Variants in EHBP1 observed in about 807,000 individuals in gnomAD.
EHBP1 encodes EH domain-binding protein 1.
In EHBP1, 55 loss-of-function variants were observed where a neutral mutation model predicts 144.0. The ratio of observed to expected loss-of-function variants is 0.38; its 90% CI spans 0.31 to 0.48. EHBP1 has a LOEUF of 0.48. Among genes scored for constraint, EHBP1 ranks in the 20% least tolerant of loss-of-function variants. The pLI is 0.98. For missense variants in EHBP1, 1,200 were observed against 1,364.2 expected (o/e 0.88, Z 1.90); for synonymous variants, 469 against 472.7 (o/e 0.99, Z 0.10).
At chr2:62,945,682 C>T (rs1227172272) in intron 12 of EHBP1, among the ~76,000 whole-genome samples, 1 of 151,996 alleles carries the variant, frequency 6.6e-6, no homozygotes, top group East Asian at 1.9e-4. Context: ...CCTAGGAGCC[C>T]GAGGCTGCAG....
At chr2:62,944,226 C>T (rs1215313255) in intron 12 of EHBP1, among the ~76,000 whole-genome samples, 1 of 152,070 alleles carries the variant, frequency 6.6e-6, no homozygotes, top group Non-Finnish European at 1.5e-5. Context: ...TAATGGTAAG[C>T]AAGAGAGAAT....
At chr2:62,967,982 T>C (rs1574285874) in intron 14 of EHBP1, among the ~76,000 whole-genome samples, 1 of 152,166 alleles carries the variant, frequency 6.6e-6, no homozygotes, top group African/African-American at 2.4e-5. Flanking sequence ...GAGCACTCTT[T>C]ATAGTATAGC....
rs550392195 is a variant in EHBP1, at chr2:62,757,976, C to T, written c.163-6290C>T. Among the ~76,000 whole-genome samples, 131 of 150,030 alleles carry T rather than the reference C, an allele frequency of 8.7e-4. 1 individual carries two copies. Among genetic ancestry groups the T allele is most frequent in the African/African-American group, 2.7e-3 (111 of 40,672 alleles). ...GCAGTGAGCCCAGATAGCGCCACTGCGCTCTGGCCTGGGCGAAAGAGCGAG... is the reference window on the plus strand; with the variant it reads ...GCAGTGAGCCCAGATAGCGCCACTGTGCTCTGGCCTGGGCGAAAGAGCGAG... On this transcript the variant is annotated intron_variant, in intron 3 of 22. Transcript: ENST00000431489.
At chr2:62,818,751 G>C (rs1458380961) in intron 5 of EHBP1, among the ~76,000 whole-genome samples, 1 of 152,146 alleles carries the variant, frequency 6.6e-6, no homozygotes, top group East Asian at 1.9e-4. Flanking sequence ...TGTTGATTTG[G>C]AAAGTCTAAT....
At chr2:62,757,563 A>C (rs2040411899) in intron 3 of EHBP1, among the ~76,000 whole-genome samples, 1 of 150,730 alleles carries the variant, frequency 6.6e-6, no homozygotes, top group Admixed American at 6.6e-5. Flanking sequence ...TCTCCCGAGT[A>C]GCTGGGATTA....
chr2:62,891,703 G>A (rs1019126472), intron 10 of EHBP1, among the ~76,000 whole-genome samples: 1 of 151,980 alleles, frequency 6.6e-6, no homozygotes, highest in Admixed American at 6.6e-5. Context: ...CTCCATTAGC[G>A]CTATTATCAT....
At chr2:62,675,664 C>CA (rs990537864) in intron 1 of EHBP1, among the ~76,000 whole-genome samples, 14 of 152,084 alleles carry the variant, frequency 9.2e-5, no homozygotes, top group Admixed American at 2.0e-4. Flanking sequence ...TTCAATGCTG[C>CA]AAAAAAAGGC....
At chr2:62,979,800 G>T (rs553272466) in intron 15 of EHBP1, among the ~76,000 whole-genome samples, 10 of 152,104 alleles carry the variant, frequency 6.6e-5, no homozygotes, top group Non-Finnish European at 1.0e-4. Flanking sequence ...TCCCATCTCA[G>T]TTTCTTCTTA....
intron 5 of EHBP1, among the ~76,000 whole-genome samples, chr2:62,804,557 A>G (rs537519415): frequency 6.6e-6 from 1 of 152,256 alleles, no homozygotes; most frequent in Non-Finnish European, 1.5e-5. Context: ...AAAGGAAAAT[A>G]TAGATAGATT....
At chr2:62,945,201 C>G (rs1285250156) in intron 12 of EHBP1, among the ~76,000 whole-genome samples, 1 of 152,184 alleles carries the variant, frequency 6.6e-6, no homozygotes, top group Non-Finnish European at 1.5e-5. Context: ...TTAGTGCAGT[C>G]ATAAAAAGCA....
At chr2:62,872,917 C>T (rs1343669224) in intron 9 of EHBP1, among the ~76,000 whole-genome samples, 1 of 152,110 alleles carries the variant, frequency 6.6e-6, no homozygotes, top group African/African-American at 2.4e-5. Context: ...GGAAAAGGAC[C>T]ATTCAAAACT....
At chr2:63,023,405 A>C (rs760925249) in intron 19 of EHBP1, among the ~76,000 whole-genome samples, 4 of 152,188 alleles carry the variant, frequency 2.6e-5, no homozygotes, top group Non-Finnish European at 5.9e-5. Flanking sequence ...ATAAACGGTT[A>C]TTTTCCTAAG....
At chr2:62,988,784 G>C (rs1281102636) in intron 15 of EHBP1, among the ~76,000 whole-genome samples, 1 of 152,056 alleles carries the variant, frequency 6.6e-6, no homozygotes, top group African/African-American at 2.4e-5. Context: ...AAAGTCTTTG[G>C]TGATTTCTTT....
chr2:62,824,516 C>T (rs1425333430), intron 5 of EHBP1, among the ~76,000 whole-genome samples: 1 of 151,872 alleles, frequency 6.6e-6, no homozygotes, highest in Non-Finnish European at 1.5e-5. Context: ...CAGTAGCAAC[C>T]AGGGAAAGAA....
chr2:62,774,024 G>T (rs1440362188), intron 5 of EHBP1, among the ~76,000 whole-genome samples: 2 of 151,938 alleles, frequency 1.3e-5, no homozygotes, highest in East Asian at 3.9e-4. Context: ...CAACTTTATT[G>T]AACTTGCATA....
intron 10 of EHBP1, among the ~76,000 whole-genome samples, chr2:62,922,164 G>T (rs1273087468): frequency 6.6e-6 from 1 of 152,172 alleles, no homozygotes; most frequent in Non-Finnish European, 1.5e-5. Context: ...GACAGAGCAA[G>T]ACTCCGTCTC....
At chr2:62,827,351 A>G (rs180918279) in intron 6 of EHBP1, among the ~76,000 whole-genome samples, 151 of 152,252 alleles carry the variant, frequency 9.9e-4, no homozygotes, top group Non-Finnish European at 1.8e-3. Flanking sequence ...AAAAATAAAG[A>G]TCTTACCCTG....
At chr2:62,998,500 G>T (rs1370941286) in intron 19 of EHBP1, among the ~76,000 whole-genome samples, 1 of 152,074 alleles carries the variant, frequency 6.6e-6, no homozygotes, top group Admixed American at 6.6e-5. Flanking sequence ...CCCTGATTGT[G>T]TTGGATAAAT....
rs182965253 is a variant in EHBP1, at chr2:62,761,873, T to A, written c.163-2393T>A. 3.4e-4 allele frequency among the ~76,000 whole-genome samples: 52 copies of A among 152,354 alleles called. 1 individual carries two copies. Among genetic ancestry groups the A allele is most frequent in the Non-Finnish European group, 1.6e-4 (11 of 68,018 alleles). On this transcript the variant is annotated intron_variant, in intron 3 of 22. Coordinates refer to ENST00000431489, the MANE Select transcript of EHBP1 (RefSeq NM_001142616.3). ...ACTAGCGCCAACCTGTTTCTTTTCC[T>A]TTCAGCAAAACACCCCAGAGGAGTT...
Sources: allele counts gnomAD v4.1 joint callset (sites outside exome capture counted in the v4.1 genomes callset), GRCh38; gene constraint gnomAD v4.1.1; transcripts MANE v1.5; gene names NCBI Gene and HGNC (gene_info 2026-07-23, HGNC 2026-07-21).